The following GPD2 variants were observed in gnomAD, a reference collection of about 807,000 sequenced individuals.
The protein encoded by GPD2 is glycerol-3-phosphate dehydrogenase, mitochondrial.
In GPD2, 54 loss-of-function variants were observed where a neutral mutation model predicts 82.4. That is an observed-to-expected ratio of 0.66 (90% CI 0.53 to 0.82). The LOEUF is 0.82. Among genes scored for constraint, GPD2 ranks in the 40% least tolerant of loss-of-function variants. The probability of loss-of-function intolerance (pLI) is 0.00; values close to 1 mark genes in which losing one functional copy is unlikely to be tolerated. For missense variants in GPD2, 748 were observed against 896.2 expected, an observed-to-expected ratio of 0.83 and a Z score of 2.11; for synonymous variants, 288 against 306.1, an observed-to-expected ratio of 0.94 and a Z score of 0.62.
chr2:156,426,882 A>G, the GPD2 span, among the ~76,000 whole-genome samples: 13 of 152,302 alleles, frequency 8.5e-5, no homozygotes, highest in East Asian at 1.5e-3. Flanking sequence ...GGTTTTTGTT[A>G]TGAAGGGCCT....
At chr2:156,425,867 A>G in the GPD2 span, among the ~76,000 whole-genome samples, 1 of 149,370 alleles carries the variant, frequency 6.7e-6, no homozygotes, top group African/African-American at 2.5e-5. Flanking sequence ...AAAAGCATAT[A>G]CTCCTTGTAT....
chr2:156,536,587 C>A (rs530834609), intron 6 of GPD2, among the ~76,000 whole-genome samples: 1 of 152,290 alleles, frequency 6.6e-6, no homozygotes, highest in East Asian at 1.9e-4. Context: ...CTTGACTATG[C>A]CTGCTAAAAG....
intron 1 of GPD2, among the ~76,000 whole-genome samples, chr2:156,460,972 T>A (rs2105175038): frequency 6.6e-6 from 1 of 152,262 alleles, no homozygotes; most frequent in Middle Eastern, 3.4e-3. Context: ...CATCTACTCA[T>A]TATGAACATG....
intron 6 of GPD2, among the ~76,000 whole-genome samples, chr2:156,547,986 A>G (rs1686613271): frequency 6.6e-6 from 1 of 152,206 alleles, no homozygotes; most frequent in South Asian, 2.1e-4. Flanking sequence ...CTATGGTAAG[A>G]GCAAGCATGA....
At chr2:156,442,832 A>G (rs1041620302) in intron 1 of GPD2, among the ~76,000 whole-genome samples, 1 of 152,146 alleles carries the variant, frequency 6.6e-6, no homozygotes, top group Non-Finnish European at 1.5e-5. Flanking sequence ...AATAATAAAA[A>G]GAAAGGATGT....
intron 1 of GPD2, among the ~76,000 whole-genome samples, chr2:156,461,429 C>G (rs1682984339): frequency 1.3e-5 from 2 of 152,166 alleles, no homozygotes; most frequent in Admixed American, 1.3e-4. Flanking sequence ...CACTTTGTCA[C>G]CCAGGTTGGT....
At chr2:156,555,465 T>TA (rs1182609849) in intron 8 of GPD2, among the ~76,000 whole-genome samples, 1 of 152,214 alleles carries the variant, frequency 6.6e-6, no homozygotes, top group African/African-American at 2.4e-5. Context: ...TAGTCCTTGA[T>TA]ATAGTCATAT....
intron 3 of GPD2, among the ~76,000 whole-genome samples, chr2:156,507,482 C>T (rs1371818351): frequency 6.6e-6 from 1 of 151,928 alleles, no homozygotes; most frequent in East Asian, 1.9e-4. Context: ...GCCACTATGC[C>T]CGGCTAATTT....
intron 3 of GPD2, among the ~76,000 whole-genome samples, chr2:156,507,179 A>G (rs1211700463): frequency 6.6e-6 from 1 of 151,766 alleles, no homozygotes; most frequent in African/African-American, 2.4e-5. Context: ...GTGCCTGACA[A>G]ATTTTTTTTT....
intron 1 of GPD2, among the ~76,000 whole-genome samples, chr2:156,441,132 A>G (rs1682159692): frequency 1.3e-5 from 2 of 152,232 alleles, no homozygotes; most frequent in African/African-American, 4.8e-5. Context: ...GAGTTGGTGA[A>G]TACATGGAGG....
At chr2:156,447,046 T>C (rs1371142710) in intron 1 of GPD2, among the ~76,000 whole-genome samples, 3 of 152,208 alleles carry the variant, frequency 2.0e-5, no homozygotes, top group Non-Finnish European at 4.4e-5. Flanking sequence ...TTCTATGACA[T>C]TTTTCTATGC....
chr2:156,470,026 G>A (rs1415312871), intron 1 of GPD2, among the ~76,000 whole-genome samples: 1 of 152,118 alleles, frequency 6.6e-6, no homozygotes, highest in Non-Finnish European at 1.5e-5. Flanking sequence ...GCTGCTGGTT[G>A]CCCATTTTTA....
intron 1 of GPD2, among the ~76,000 whole-genome samples, chr2:156,459,706 A>G (rs1032330362): frequency 1.3e-5 from 2 of 148,854 alleles, no homozygotes; most frequent in Non-Finnish European, 3.0e-5. Flanking sequence ...AAAAAAAAAA[A>G]AAAGAAAGAA....
chr2:156,487,862 T>C (rs1684004697), intron 2 of GPD2, among the ~76,000 whole-genome samples: 1 of 152,250 alleles, frequency 6.6e-6, no homozygotes, highest in Non-Finnish European at 1.5e-5. Flanking sequence ...TCAATTACGT[T>C]GTTAACTTAT....
intron 1 of GPD2, among the ~76,000 whole-genome samples, chr2:156,448,820 G>T (rs1682455953): frequency 6.6e-6 from 1 of 152,216 alleles, no homozygotes; most frequent in Non-Finnish European, 1.5e-5. Flanking sequence ...CAAACTTGGT[G>T]GCTTAAAACA....
upstream of GPD2, among the ~76,000 whole-genome samples, chr2:156,436,004 A>T (rs1558896864): frequency 6.6e-6 from 1 of 152,192 alleles, no homozygotes; most frequent in African/African-American, 2.4e-5. Context: ...TCGCCGAGGC[A>T]CAAAGCAGGA....
At chr2:156,532,140 G>A (rs1026970052) in intron 6 of GPD2, among the ~76,000 whole-genome samples, 2 of 152,002 alleles carry the variant, frequency 1.3e-5, no homozygotes, top group African/African-American at 2.4e-5. Flanking sequence ...TAAGACTATC[G>A]TTGTGCACCA....
intron 6 of GPD2, among the ~76,000 whole-genome samples, chr2:156,514,207 G>T (rs1685114273): frequency 6.6e-6 from 1 of 150,682 alleles, no homozygotes. Context: ...ATCTCCAGAT[G>T]GTCCACAAAA....
chr2:156,416,005 A>G, the GPD2 span, among the ~76,000 whole-genome samples: 2 of 97,538 alleles, frequency 2.1e-5, 1 homozygote, highest in Non-Finnish European at 5.2e-5. Context: ...TGGGCGACAG[A>G]GCGAGACTCC....
Sources: gnomAD v4.1 joint callset for allele counts (sites outside exome capture counted in the v4.1 genomes callset) on GRCh38, gnomAD v4.1.1 for gene constraint, MANE v1.5 for transcripts, NCBI Gene and HGNC (gene_info 2026-07-23, HGNC 2026-07-21) for gene names.